Variants in MCU observed in about 807,000 individuals in gnomAD.
MCU encodes calcium uniporter protein, mitochondrial.
MCU carries 12 observed loss-of-function variants against 45.2 expected under a neutral mutation model. That is an observed-to-expected ratio of 0.27 (90% confidence interval 0.17 to 0.43). MCU has a LOEUF of 0.43. MCU is among the 20% of genes least tolerant of loss of function. MCU has a pLI of 1.00. For missense variants in MCU, 324 were observed against 436.7 expected, an observed-to-expected ratio of 0.74 and a Z score of 2.30; for synonymous variants, 160 against 165.1, an observed-to-expected ratio of 0.97 and a Z score of 0.24.
rs972990139 is a variant in MCU, at chr10:72,839,182, G to T, written c.220+4754G>T. On this transcript the variant is annotated intron_variant, in intron 2 of 7. Coordinates refer to ENST00000373053, the MANE Select transcript of MCU (RefSeq NM_138357.3). ...TTTTTGTATTTTTAGTAGAGAGGGGGTTTCACCATGTTGGCCACGCTGGTC... is the reference window on the plus strand; with the variant it reads ...TTTTTGTATTTTTAGTAGAGAGGGGTTTTCACCATGTTGGCCACGCTGGTC... Among the ~76,000 whole-genome samples the T allele has an allele frequency of 3.3e-5, 5 of 151,960 alleles. No individual in the cohort carries two copies. The East Asian group carries it at 9.6e-4, about 29-fold the overall frequency.
intron 1 of MCU, among the ~76,000 whole-genome samples, chr10:72,702,760 T>A (rs552887693): frequency 4.1e-4 from 62 of 152,240 alleles, no homozygotes; most frequent in African/African-American, 1.4e-3. Flanking sequence ...GTGGATCACC[T>A]GAGGTCAGGA....
intron 2 of MCU, among the ~76,000 whole-genome samples, chr10:72,842,772 T>C (rs1384967611): frequency 6.6e-6 from 1 of 151,590 alleles, no homozygotes; most frequent in African/African-American, 2.4e-5. Flanking sequence ...TATGGCAATA[T>C]GAAGAAAATC....
chr10:72,731,814 A>G (rs994096015), intron 1 of MCU, among the ~76,000 whole-genome samples: 3 of 152,220 alleles, frequency 2.0e-5, no homozygotes, highest in African/African-American at 7.2e-5. Context: ...TTGCTAAACA[A>G]TAATGATGGA....
chr10:72,766,013 T>C (rs1309415691), intron 1 of MCU, among the ~76,000 whole-genome samples: 1 of 152,008 alleles, frequency 6.6e-6, no homozygotes, highest in East Asian at 1.9e-4. Flanking sequence ...ACTACAGGCA[T>C]GTGCCACCAC....
At chr10:72,786,526 C>T (rs569444497) in intron 1 of MCU, among the ~76,000 whole-genome samples, 3 of 152,022 alleles carry the variant, frequency 2.0e-5, no homozygotes, top group Non-Finnish European at 4.4e-5. Context: ...GGGCAGATCA[C>T]GTGGAGGTCA....
At chr10:72,693,069 A>G (rs983546749) in intron 1 of MCU, 11 of 1,536,006 alleles carry the variant, frequency 7.2e-6, no homozygotes, top group Non-Finnish European at 3.5e-6. Context: ...CGAATATGGT[A>G]AGTTGTTGAC....
intron 2 of MCU, among the ~76,000 whole-genome samples, chr10:72,837,119 G>T (rs1268508815): frequency 6.6e-6 from 1 of 151,902 alleles, no homozygotes; most frequent in Admixed American, 6.6e-5. Context: ...GGTTATGACG[G>T]TAACAGCTGA....
At chr10:72,860,971 A>C (rs535863469) in intron 4 of MCU, among the ~76,000 whole-genome samples, 2 of 152,134 alleles carry the variant, frequency 1.3e-5, no homozygotes, top group African/African-American at 4.8e-5. Flanking sequence ...CAGTTATTGT[A>C]CAATAATAAT....
chr10:72,712,662 G>C (rs2132662587), intron 1 of MCU, among the ~76,000 whole-genome samples: 1 of 152,282 alleles, frequency 6.6e-6, no homozygotes, highest in South Asian at 2.1e-4. Context: ...GTCTAGAAAT[G>C]AGGGGACATA....
At chr10:72,803,417 GA>G (rs1223731050) in intron 1 of MCU, among the ~76,000 whole-genome samples, 1 of 151,592 alleles carries the variant, frequency 6.6e-6, no homozygotes, top group African/African-American at 2.4e-5. Context: ...TTGCCACAAA[GA>G]AAAAATTCCA....
At chr10:72,760,470 G>C (rs1372741477) in intron 1 of MCU, 2 of 152,032 alleles carry the variant, frequency 1.3e-5, no homozygotes, top group Non-Finnish European at 2.9e-5. Flanking sequence ...GCTTGTTTTA[G>C]ATTTATTTAA....
intron 6 of MCU, among the ~76,000 whole-genome samples, chr10:72,880,085 G>A (rs1411396294): frequency 6.6e-6 from 1 of 152,144 alleles, no homozygotes; most frequent in African/African-American, 2.4e-5. Flanking sequence ...CAACAACAAT[G>A]ACATATATGT....
At chr10:72,814,441 T>C (rs1394492732) in intron 1 of MCU, among the ~76,000 whole-genome samples, 2 of 152,132 alleles carry the variant, frequency 1.3e-5, no homozygotes, top group Non-Finnish European at 2.9e-5. Flanking sequence ...AAGCCTATAA[T>C]TTTTTGCTTT....
rs1201335388 is a variant in MCU, at chr10:72,885,868, C to G, written c.*46C>G. ...CCTGGCAGAAGGAACACCTGTTTGC[C>G]TTTTTAATTAAAGCATTGCAGGTGG... On this transcript the variant is annotated 3_prime_UTR_variant, in exon 8 of 8. Coordinates refer to ENST00000373053, the MANE Select transcript of MCU (RefSeq NM_138357.3). 6.6e-7 allele frequency: 1 copy of G among 1,515,308 alleles called. No homozygotes were observed. The highest frequency in any genetic ancestry group is 1.1e-5 in the South Asian group (1 of 88,290). The allele number at this position is 1,515,308 out of a possible 1,614,324, so 93.9% of individuals were successfully genotyped here. A position where few individuals can be genotyped will look rare whatever the true frequency, so the allele number is the denominator to read the frequency against.
At chr10:72,755,831 T>G (rs1267209357) in intron 1 of MCU, among the ~76,000 whole-genome samples, 1 of 151,858 alleles carries the variant, frequency 6.6e-6, no homozygotes, top group Non-Finnish European at 1.5e-5. Flanking sequence ...ATTAGCCCAA[T>G]TGAAACCATT....
At chr10:72,779,585 A>G (rs562148691) in intron 1 of MCU, among the ~76,000 whole-genome samples, 3 of 152,326 alleles carry the variant, frequency 2.0e-5, no homozygotes, top group Admixed American at 2.0e-4. Flanking sequence ...TCACAACCCA[A>G]TAATACAAGG....
chr10:72,759,386 A>G (rs1310877868), intron 1 of MCU, among the ~76,000 whole-genome samples: 1 of 152,184 alleles, frequency 6.6e-6, no homozygotes, highest in African/African-American at 2.4e-5. Flanking sequence ...TATAGATAAC[A>G]TAACCGATTA....
intron 5 of MCU, among the ~76,000 whole-genome samples, chr10:72,869,080 G>T (rs1353017216): frequency 6.6e-6 from 1 of 152,166 alleles, no homozygotes; most frequent in African/African-American, 2.4e-5. Context: ...AGAGCTTTCA[G>T]TTCTAAATGC....
At chr10:72,841,393 G>A (rs1845045171) in intron 2 of MCU, among the ~76,000 whole-genome samples, 1 of 152,066 alleles carries the variant, frequency 6.6e-6, no homozygotes, top group Non-Finnish European at 1.5e-5. Flanking sequence ...CTTCTCCCAG[G>A]TTCAAGTGAT....
Sources: allele counts gnomAD v4.1 joint callset (sites outside exome capture counted in the v4.1 genomes callset), GRCh38; gene constraint gnomAD v4.1.1; transcripts MANE v1.5; gene names NCBI Gene and HGNC (gene_info 2026-07-23, HGNC 2026-07-21).